Variants in DGKB observed in about 807,000 individuals in gnomAD.
The protein encoded by DGKB is 90 kDa diacylglycerol kinase.
Under a neutral mutation model 114.3 loss-of-function variants are expected in DGKB, and 67 were observed. The ratio of observed to expected loss-of-function variants is 0.59; its 90% CI spans 0.48 to 0.72. The LOEUF (loss-of-function observed/expected upper bound fraction) is 0.72, where lower values mean the gene tolerates loss of function less well. Ranked by LOEUF, DGKB falls within the 30% of genes least tolerant of loss-of-function variation. The probability of loss-of-function intolerance (pLI) is 0.00; values close to 1 mark genes in which losing one functional copy is unlikely to be tolerated. For synonymous variants in DGKB, 398 were observed against 323.1 expected (o/e 1.23, Z -2.49); for missense variants, 907 against 975.2 (o/e 0.93, Z 0.93).
At chr7:14,748,212 A>C (rs577650117) in intron 4 of DGKB, among the ~76,000 whole-genome samples, 2 of 152,318 alleles carry the variant, frequency 1.3e-5, no homozygotes, top group East Asian at 1.9e-4. Context: ...GAACACACAA[A>C]ATTCCTTCCA....
intron 23 of DGKB, among the ~76,000 whole-genome samples, chr7:14,244,235 C>T: frequency 6.6e-6 from 1 of 152,112 alleles, no homozygotes; most frequent in East Asian, 1.9e-4. Context: ...ACCACCGTTG[C>T]TCTTGTCAAA....
intron 20 of DGKB, among the ~76,000 whole-genome samples, chr7:14,495,183 ATACTT>A (rs1454606776): frequency 6.6e-6 from 1 of 151,862 alleles, no homozygotes; most frequent in Non-Finnish European, 1.5e-5. Context: ...ACAATGGAAA[ATACTT>A]TAATAAGTGA....
chr7:14,310,155 G>T (rs546122399), intron 23 of DGKB, among the ~76,000 whole-genome samples: 3 of 152,202 alleles, frequency 2.0e-5, no homozygotes, highest in African/African-American at 7.2e-5. Flanking sequence ...TAGAAATCCC[G>T]CAAGATAAAT....
At chr7:14,778,940 G>T (rs1838649533) in intron 2 of DGKB, among the ~76,000 whole-genome samples, 1 of 152,184 alleles carries the variant, frequency 6.6e-6, no homozygotes, top group South Asian at 2.1e-4. Context: ...CAGAAAGCCT[G>T]AGGTCAGGAG....
At chr7:14,607,211 G>A (rs1020571845) in intron 17 of DGKB, among the ~76,000 whole-genome samples, 2 of 151,092 alleles carry the variant, frequency 1.3e-5, no homozygotes, top group African/African-American at 2.4e-5. Flanking sequence ...GTACAATAAG[G>A]AGCATTACTT....
intron 1 of DGKB, among the ~76,000 whole-genome samples, chr7:14,953,173 A>T (rs1397444348): frequency 6.6e-6 from 1 of 152,080 alleles, no homozygotes; most frequent in African/African-American, 2.4e-5. Context: ...ATACTTTACT[A>T]AAACATAAGC....
At chr7:14,750,052 T>G (rs1833883815) in intron 4 of DGKB, 1 of 493,184 alleles carries the variant, frequency 2.0e-6, no homozygotes, top group Admixed American at 2.1e-5. Flanking sequence ...GGAACTGCAC[T>G]AAATATGTTA....
intron 20 of DGKB, among the ~76,000 whole-genome samples, chr7:14,545,423 T>C (rs1341208529): frequency 6.6e-6 from 1 of 152,206 alleles, no homozygotes; most frequent in Non-Finnish European, 1.5e-5. Context: ...ATTGGGACTC[T>C]TTCAGACTTG....
At chr7:14,459,028 C>T (rs10265184) in intron 21 of DGKB, among the ~76,000 whole-genome samples, 5 of 152,152 alleles carry the variant, frequency 3.3e-5, no homozygotes, top group African/African-American at 9.7e-5. Context: ...GAGGGGCGTC[C>T]GCCATTACTG....
intron 17 of DGKB, among the ~76,000 whole-genome samples, chr7:14,601,102 G>A (rs1803464122): frequency 6.6e-6 from 1 of 152,214 alleles, no homozygotes; most frequent in African/African-American, 2.4e-5. Flanking sequence ...TTTGCACTCT[G>A]TGCCTGCAGA....
intron 2 of DGKB, among the ~76,000 whole-genome samples, chr7:14,840,092 C>G (rs1847714845): frequency 6.6e-6 from 1 of 152,086 alleles, no homozygotes; most frequent in Admixed American, 6.5e-5. Flanking sequence ...GTGTTTAACC[C>G]TTTTCTCTGC....
intron 1 of DGKB, among the ~76,000 whole-genome samples, chr7:14,919,297 A>C (rs931657680): frequency 1.3e-5 from 2 of 152,140 alleles, no homozygotes; most frequent in Admixed American, 6.5e-5. Context: ...TACAACAGAG[A>C]GCCAAGAAAT....
chr7:14,729,235 G>C (rs548562234), intron 5 of DGKB, among the ~76,000 whole-genome samples: 2 of 145,758 alleles, frequency 1.4e-5, no homozygotes, highest in African/African-American at 5.2e-5. Flanking sequence ...CCATTCTCCC[G>C]CCTCAGCCTC....
At chr7:14,716,713 T>G (rs1007343344) in intron 6 of DGKB, among the ~76,000 whole-genome samples, 7 of 152,094 alleles carry the variant, frequency 4.6e-5, no homozygotes, top group Non-Finnish European at 8.8e-5. Flanking sequence ...GATTGATTGT[T>G]ATTTAATTGA....
chr7:14,736,295 T>G, intron 4 of DGKB, 101 bp from the exon 5 acceptor site: 1 of 688,350 alleles, frequency 1.5e-6, no homozygotes, highest in Non-Finnish European at 2.3e-6. Context: ...CCTCAAACCA[T>G]TTTTATATCC....
rs573298307 is a variant in DGKB, at chr7:14,357,497, C to T, written c.1836-12106G>A. On this transcript the variant is annotated intron_variant, in intron 21 of 25. Coordinates refer to ENST00000402815, the MANE Select transcript of DGKB (RefSeq NM_001350709.2). ...TTTTGAGCCTATGTATATCTTTGCA[C>T]GTGAGATGGGTCTCCTGAATACAGC... Among the ~76,000 whole-genome samples the T allele has an allele frequency of 2.8e-4, 42 of 152,204 alleles. No homozygotes were observed. The South Asian group carries it at 7.1e-3, about 26-fold the overall frequency.
At chr7:14,745,779 T>C (rs771818652) in intron 4 of DGKB, among the ~76,000 whole-genome samples, 1 of 119,480 alleles carries the variant, frequency 8.4e-6, no homozygotes, top group Non-Finnish European at 1.7e-5. Context: ...TAATAAATTC[T>C]GCCCTCCTCA....
chr7:14,483,207 C>T (rs747732745), intron 20 of DGKB, among the ~76,000 whole-genome samples: 12 of 152,056 alleles, frequency 7.9e-5, no homozygotes, highest in Non-Finnish European at 1.6e-4. Context: ...TGATTGATAT[C>T]GATTGGAACC....
chr7:14,800,988 C>T (rs536956368), intron 2 of DGKB, among the ~76,000 whole-genome samples: 1 of 152,194 alleles, frequency 6.6e-6, no homozygotes, highest in East Asian at 1.9e-4. Flanking sequence ...TAAACACCAC[C>T]TAAAACCATG....
Sources: allele counts gnomAD v4.1 joint callset (sites outside exome capture counted in the v4.1 genomes callset), GRCh38; gene constraint gnomAD v4.1.1; transcripts MANE v1.5; gene names NCBI Gene and HGNC (gene_info 2026-07-23, HGNC 2026-07-21).